Variants in UNC5D observed in about 807,000 individuals in gnomAD.
UNC5D encodes netrin receptor UNC5D.
A neutral mutation model predicts 105.4 loss-of-function variants in UNC5D; 39 were observed. The observed-to-expected ratio is 0.37, with a 90% CI of 0.29 to 0.48. The LOEUF (loss-of-function observed/expected upper bound fraction) is 0.48, where lower values mean the gene tolerates loss of function less well. Ranked by LOEUF, UNC5D falls within the 20% of genes least tolerant of loss-of-function variation. The probability of loss-of-function intolerance (pLI) is 0.98; values close to 1 mark genes in which losing one functional copy is unlikely to be tolerated. For missense variants in UNC5D, 991 were observed against 1,202.4 expected (o/e 0.82, Z 2.60); for synonymous variants, 452 against 450.4 (o/e 1.00, Z -0.04).
At chr8:35,489,305 G>A (rs944088939) in intron 1 of UNC5D, among the ~76,000 whole-genome samples, 1 of 152,038 alleles carries the variant, frequency 6.6e-6, no homozygotes, top group Non-Finnish European at 1.5e-5. Flanking sequence ...ACTGTGCCTG[G>A]CCACCCAGAA....
chr8:35,523,578 C>CTTT (rs33917742), intron 1 of UNC5D, among the ~76,000 whole-genome samples: 3 of 97,498 alleles, frequency 3.1e-5, no homozygotes, highest in Non-Finnish European at 4.3e-5. Context: ...GTAATGTGCT[C>CTTT]TTTTTTTTTT....
intron 1 of UNC5D, among the ~76,000 whole-genome samples, chr8:35,514,425 C>T (rs553322300): frequency 2.6e-5 from 4 of 152,160 alleles, no homozygotes; most frequent in Non-Finnish European, 5.9e-5. Context: ...CATGGGAGAG[C>T]AGATGGAAGT....
intron 7 of UNC5D, among the ~76,000 whole-genome samples, chr8:35,696,944 G>C (rs1008613099): frequency 1.3e-5 from 2 of 151,990 alleles, no homozygotes; most frequent in African/African-American, 2.4e-5. Context: ...AGTAAAAAGA[G>C]CTCTAAACAA....
intron 4 of UNC5D, among the ~76,000 whole-genome samples, chr8:35,627,665 A>C (rs2131060663): frequency 6.6e-6 from 1 of 152,308 alleles, no homozygotes; most frequent in African/African-American, 2.4e-5. Flanking sequence ...GCGGTGGCTC[A>C]CGTCTGTAAT....
chr8:35,507,601 T>A (rs1343752471), intron 1 of UNC5D, among the ~76,000 whole-genome samples: 1 of 142,298 alleles, frequency 7.0e-6, no homozygotes, highest in Admixed American at 7.1e-5. Flanking sequence ...TACCAAAGGC[T>A]GGGAAGAGTA....
At position 35,259,740 on chromosome 8, in the gene UNC5D, G is replaced by A. The variant is rs1204233114; in HGVS notation, c.103+23853G>A. Among the ~76,000 whole-genome samples, 13 of 151,566 alleles carry A rather than the reference G, an allele frequency of 8.6e-5. No homozygotes were observed. The East Asian group carries it at 1.8e-3, about 20-fold the overall frequency. Reference sequence around the variant, plus strand: ...GCGAGAGAGAAGAGTGCAAAAAGCTGACTGATCTTTTTTTTTTTTTTTAAA... The same window carrying A: ...GCGAGAGAGAAGAGTGCAAAAAGCTAACTGATCTTTTTTTTTTTTTTTAAA... On this transcript the variant is annotated intron_variant, in intron 1 of 16. Transcript: ENST00000404895.
Position 35,792,277 on chromosome 8 carries a change from A to G in UNC5D, c.*1714A>G, listed in dbSNP as rs1803079188. ...AAAGATGAGTTGAATTTGTGATACC[A>G]TGGGTAAGGCATGGAAGAACTCTTG... On this transcript the variant is annotated 3_prime_UTR_variant, in exon 17 of 17. Transcript: ENST00000404895. 6.6e-6 allele frequency: 1 copy of G among 152,168 alleles called. No homozygotes were observed. The allele number at this position is 152,168 out of a possible 1,614,324, so 9.4% of individuals were successfully genotyped here.
chr8:35,786,410 C>T (rs570965716), intron 16 of UNC5D, among the ~76,000 whole-genome samples: 1 of 152,224 alleles, frequency 6.6e-6, no homozygotes, highest in East Asian at 1.9e-4. Flanking sequence ...CCGTGGGTGC[C>T]TATTCCACAA....
chr8:35,387,012 A>G (rs1803444255), intron 1 of UNC5D, among the ~76,000 whole-genome samples: 1 of 120,282 alleles, frequency 8.3e-6, no homozygotes, highest in Non-Finnish European at 1.8e-5. Flanking sequence ...GGTGAGAAGG[A>G]ATTCCCCCCC....
At chr8:35,348,632 A>C (rs561807222) in intron 1 of UNC5D, among the ~76,000 whole-genome samples, 7 of 151,970 alleles carry the variant, frequency 4.6e-5, no homozygotes, top group Non-Finnish European at 2.9e-5. Flanking sequence ...AGAATGACAA[A>C]CGTTAAAAAT....
chr8:35,622,102 G>A (rs1320445807), intron 4 of UNC5D, among the ~76,000 whole-genome samples: 1 of 152,144 alleles, frequency 6.6e-6, no homozygotes. Flanking sequence ...CCAGCACTTT[G>A]GGAGGCCAAG....
chr8:35,744,861 T>C (rs927935927), intron 11 of UNC5D, among the ~76,000 whole-genome samples: 3 of 152,190 alleles, frequency 2.0e-5, no homozygotes, highest in African/African-American at 7.2e-5. Context: ...GAGACCAGCC[T>C]GACCAACATG....
chr8:35,683,842 C>A, intron 5 of UNC5D, 115 bp downstream of exon 5: 1 of 1,027,744 alleles, frequency 9.7e-7, no homozygotes, highest in Non-Finnish European at 1.3e-6. Context: ...GGTTCATTCA[C>A]AGCAGTGCTC....
At chr8:35,544,478 G>A (rs1273490432) in intron 1 of UNC5D, 1 of 1,613,578 alleles carries the variant, frequency 6.2e-7, no homozygotes, top group Admixed American at 1.7e-5. Context: ...AGCTCTCAGT[G>A]ATGTCTGTGC....
chr8:35,734,330 A>C (rs1829344358), intron 11 of UNC5D, among the ~76,000 whole-genome samples: 1 of 117,354 alleles, frequency 8.5e-6, no homozygotes, highest in African/African-American at 3.8e-5. Flanking sequence ...AGCAGTAATC[A>C]CTGTCAAAAA....
chr8:35,648,409 T>G (rs1823188867), intron 4 of UNC5D, among the ~76,000 whole-genome samples: 1 of 152,092 alleles, frequency 6.6e-6, no homozygotes, highest in Admixed American at 6.6e-5. Flanking sequence ...CAGTACGTGG[T>G]GGCTTATGCC....
chr8:35,379,512 C>T (rs1358960655), intron 1 of UNC5D, among the ~76,000 whole-genome samples: 1 of 152,182 alleles, frequency 6.6e-6, no homozygotes, highest in Non-Finnish European at 1.5e-5. Context: ...CTTCCATTAT[C>T]TTACGTCTGT....
chr8:35,688,995 G>A (rs1262149512), intron 7 of UNC5D, among the ~76,000 whole-genome samples: 1 of 152,220 alleles, frequency 6.6e-6, no homozygotes, highest in East Asian at 1.9e-4. Context: ...GGGATGTCCA[G>A]ATATTTGGCC....
intron 4 of UNC5D, among the ~76,000 whole-genome samples, chr8:35,659,832 C>T (rs1042127240): frequency 2.6e-5 from 4 of 152,152 alleles, no homozygotes; most frequent in African/African-American, 9.7e-5. Flanking sequence ...GCAAAGTCAG[C>T]CCCTGAAAAG....
Sources: allele counts gnomAD v4.1 joint callset (sites outside exome capture counted in the v4.1 genomes callset), GRCh38; gene constraint gnomAD v4.1.1; transcripts MANE v1.5; gene names NCBI Gene and HGNC (gene_info 2026-07-23, HGNC 2026-07-21).